Variants in NDOR1 observed in about 807,000 individuals in gnomAD.
NDOR1 encodes the protein NADPH-dependent diflavin oxidoreductase 1.
A neutral mutation model predicts 67.2 loss-of-function variants in NDOR1; 61 were observed. The observed-to-expected ratio is 0.91, with a 90% confidence interval of 0.74 to 1.12. NDOR1 has a LOEUF of 1.12. Ranked by LOEUF, NDOR1 falls within the 50% of genes most tolerant of loss-of-function variation. NDOR1 has a pLI of 0.00. For synonymous variants in NDOR1, 378 were observed against 343.7 expected (o/e 1.10, Z -1.10); for missense variants, 878 against 802.8 (o/e 1.09, Z -1.13).
At chr9:137,206,371 G>A (rs1315402107) in intron 2 of NDOR1, 62 bp downstream of exon 2, 11 of 1,539,312 alleles carry the variant, frequency 7.1e-6, no homozygotes, top group Non-Finnish European at 9.9e-6. Flanking sequence ...CGTTTTCATT[G>A]CCTGGCGTCT....
chr9:137,206,372 C>T (rs552232177), intron 2 of NDOR1, 63 bp downstream of exon 2: 16 of 1,533,786 alleles, frequency 1.0e-5, no homozygotes, highest in Non-Finnish European at 1.4e-5. Context: ...GTTTTCATTG[C>T]CTGGCGTCTA....
chr9:137,215,097 G>C lies in NDOR1; in HGVS notation c.1068G>C (p.Val356=), dbSNP rs748099024. ...ACCCTGAGACTCTCTTTGCCTAGGT[G>C]CTCTGTGACTTCCCGCACACAGCTG... ...CNRPRRTILE[V]LCDFPHTAAA... is the part of the protein sequence containing the mutation. Residue 356 remains valine (V), a splice_region_variant and synonymous_variant, in exon 9 of 14, where the codon GTG becomes GTC. Coordinates refer to ENST00000684003, the MANE Select transcript of NDOR1 (RefSeq NM_014434.4). The C allele has an allele frequency of 6.2e-7, 1 of 1,613,720 alleles. No homozygotes were observed. Among genetic ancestry groups the C allele is most frequent in the South Asian group, 1.1e-5 (1 of 91,046 alleles).
Position 137,214,875 on chromosome 9 carries a change from G to A in NDOR1, c.922G>A (p.Val308Met), listed in dbSNP as rs142741538. The A allele has an allele frequency of 2.9e-5, 47 of 1,611,204 alleles. No homozygotes were observed. Among genetic ancestry groups the A allele is most frequent in the Admixed American group, 3.3e-5 (2 of 60,000 alleles). ...LVSHYLDIASVPRRSFFELLA... is the reference protein window; with the variant it reads ...LVSHYLDIASMPRRSFFELLA... ...GTCCCACTACCTGGACATCGCCAGC[G>A]TGCCTCGCCGCTCCTTCTTCGAACT... is the stretch of plus-strand genomic sequence containing the variant. Residue 308 changes from valine to methionine, a missense_variant, in exon 8 of 14, where the codon GTG becomes ATG. Physicochemically the swap from Val to Met is conservative, Grantham distance 21 (BLOSUM62 1). Coordinates refer to ENST00000684003, the MANE Select transcript of NDOR1 (RefSeq NM_014434.4).
rs1835656659 is a variant in NDOR1 at position 137,217,226 on chromosome 9, C to T, written c.*810C>T. ...GTTGGGCTGCCTGTGCCCGAGTGGCCTCTGCAGCTCTTATGTCTGCCTCTA... is the reference window on the plus strand; with the variant it reads ...GTTGGGCTGCCTGTGCCCGAGTGGCTTCTGCAGCTCTTATGTCTGCCTCTA... On this transcript the variant is annotated 3_prime_UTR_variant, in exon 14 of 14. Coordinates refer to ENST00000684003, the MANE Select transcript of NDOR1 (RefSeq NM_014434.4). Among the ~76,000 whole-genome samples the T allele has an allele frequency of 6.6e-6, 1 of 152,188 alleles. No homozygotes were observed. Among genetic ancestry groups the T allele is most frequent in the African/African-American group, 2.4e-5 (1 of 41,444 alleles).
chr9:137,214,302 C>CA lies in NDOR1; in HGVS notation c.612dup (p.Glu205ArgfsTer28). On this transcript the variant is annotated frameshift_variant, in exon 6 of 14. Transcript: ENST00000684003. LOFTEE classifies it high-confidence loss of function. ...CACCCCGGCTCTCAGGAGCCCCCGT[C>CA]AGAGTCGAAGCCCTTCCTAGCACCC... The CA allele has an allele frequency of 6.2e-7, 1 of 1,614,084 alleles. No individual in the cohort carries two copies. The highest frequency in any genetic ancestry group is 8.5e-7 in the Non-Finnish European group (1 of 1,180,036).
intron 2 of NDOR1, among the ~76,000 whole-genome samples, chr9:137,209,205 G>T (rs1268760931): frequency 1.3e-5 from 2 of 152,214 alleles, no homozygotes; most frequent in South Asian, 2.1e-4. Context: ...TTAATTGCTG[G>T]CAGGGGAGAG....
At position 137,218,357 on chromosome 9, in the gene NDOR1, C is replaced by T; in HGVS notation, c.*1941C>T. 2 of 398,372 alleles carry T rather than the reference C, an allele frequency of 5.0e-6. No homozygotes were observed. The highest frequency in any genetic ancestry group is 4.4e-6 in the Non-Finnish European group (1 of 225,872). The allele number at this position is 398,372 out of a possible 1,614,324, so 24.7% of individuals were successfully genotyped here. Reference sequence around the variant, plus strand: ...CCGCAACCCTGGGCCCTGGGGCTCCCTGGAGCACCGCTACCAGCTGCGCTT... The same window carrying T: ...CCGCAACCCTGGGCCCTGGGGCTCCTTGGAGCACCGCTACCAGCTGCGCTT... On this transcript the variant is annotated 3_prime_UTR_variant, in exon 14 of 14. Transcript: ENST00000684003.
rs774334714 is a variant in NDOR1 at position 137,215,125 on chromosome 9, G to A, written c.1096G>A (p.Ala366Thr). ...VLCDFPHTAA[A>T]IPPDYLLDLI... ...CTGTGACTTCCCGCACACAGCTGCC[G>A]CCATCCCTCCCGACTACCTGTTGGA... The change falls in exon 9 of 14, where the codon GCC becomes ACC. Residue 366 changes from alanine (A) to threonine (T), a missense_variant. Physicochemically the swap from Ala to Thr is moderately conservative, Grantham distance 58. Transcript: ENST00000684003. 17 of 1,613,540 alleles carry A rather than the reference G, an allele frequency of 1.1e-5. No individual in the cohort carries two copies. The highest frequency in any genetic ancestry group is 1.6e-4 in the Middle Eastern group (1 of 6,084).
chr9:137,214,983 G>C lies in NDOR1; in HGVS notation c.1030G>C (p.Glu344Gln). ...SSAQGQEELF[E>Q]YCNRPRRTIL... ...TGCCCAAGGCCAGGAGGAGCTCTTT[G>C]AATACTGCAACCGGCCCCGCAGGAC... Residue 344 changes from glutamate (E) to glutamine (Q), a missense_variant, in exon 8 of 14, where the codon GAA becomes CAA. By Grantham distance (29) the Glu-to-Gln change is conservative (BLOSUM62 2). Transcript: ENST00000684003. 1 of 1,613,456 alleles carries C rather than the reference G, an allele frequency of 6.2e-7. No homozygotes were observed. Among genetic ancestry groups the C allele is most frequent in the South Asian group, 1.1e-5 (1 of 91,080 alleles).
At chr9:137,207,768 A>G (rs141190946) in intron 2 of NDOR1, among the ~76,000 whole-genome samples, 29 of 152,356 alleles carry the variant, frequency 1.9e-4, no homozygotes, top group Non-Finnish European at 3.4e-4. Context: ...CAGGAAGAGC[A>G]GCTTCAGTGG....
At chr9:137,210,991 A>G (rs889641767) in intron 2 of NDOR1, among the ~76,000 whole-genome samples, 28 of 151,962 alleles carry the variant, frequency 1.8e-4, no homozygotes, top group African/African-American at 6.3e-4. Flanking sequence ...AAATACAAAA[A>G]TTAGCCGGGC....
chr9:137,217,281 T>C lies in NDOR1; in HGVS notation c.*865T>C, dbSNP rs1420195111. ...GATGTGCGCCCTGACTGCCTCGTTC[T>C]TAAGGGCATAGTGGGTCGGCTAAGA... On this transcript the variant is annotated 3_prime_UTR_variant, in exon 14 of 14. Transcript: ENST00000684003. 6.6e-6 allele frequency among the ~76,000 whole-genome samples: 1 copy of C among 152,174 alleles called. No homozygotes were observed. Among genetic ancestry groups the C allele is most frequent in the Admixed American group, 6.5e-5 (1 of 15,278 alleles).
At position 137,218,901 on chromosome 9, in the gene NDOR1, G is replaced by A; in HGVS notation, c.*2485G>A. The A allele has an allele frequency of 2.8e-6, 1 of 352,626 alleles. No individual in the cohort carries two copies. The highest frequency in any genetic ancestry group is 5.1e-6 in the Non-Finnish European group (1 of 196,796). 21.8% of individuals were successfully genotyped at this position (352,626 alleles called of 1,614,324 possible). The stretch of plus-strand genomic sequence containing the variant: ...GCCCAGCAGGAAAGTCTGTGAGCAG[G>A]ACCCCATTCACCCTGCGGCAGACGG... On this transcript the variant is annotated 3_prime_UTR_variant, in exon 14 of 14. Transcript: ENST00000684003.
Position 137,214,315 on chromosome 9 carries a change from C to T in NDOR1, c.624C>T (p.Pro208=), listed in dbSNP as rs1249191034. The T allele has an allele frequency of 6.2e-7, 1 of 1,614,014 alleles. No homozygotes were observed. The highest frequency in any genetic ancestry group is 1.3e-5 in the African/African-American group (1 of 74,922). ...AGGAGCCCCCGTCAGAGTCGAAGCCCTTCCTAGCACCCATGATCTCCAACC... is the reference window on the plus strand; with the variant it reads ...AGGAGCCCCCGTCAGAGTCGAAGCCTTTCCTAGCACCCATGATCTCCAACC... The part of the protein sequence containing the change: ...GSQEPPSESK[P]FLAPMISNQR... The change falls in exon 6 of 14, where the codon CCC becomes CCT. Residue 208 remains proline, a synonymous_variant. Transcript: ENST00000684003.
At chr9:137,214,513 GGGCCCC>G (rs1835433449) in intron 6 of NDOR1, 51 bp from the exon 7 acceptor site, 1 of 1,609,218 alleles carries the variant, frequency 6.2e-7, no homozygotes, top group Non-Finnish European at 8.5e-7. Context: ...CTTCTATCCG[GGGCCCC>G]GACATCCTCC....
At chr9:137,206,919 G>T (rs1271818926) in intron 2 of NDOR1, among the ~76,000 whole-genome samples, 1 of 152,144 alleles carries the variant, frequency 6.6e-6, no homozygotes, top group Non-Finnish European at 1.5e-5. Flanking sequence ...GTCAGGCACC[G>T]AGGAAGAAGG....
chr9:137,214,232 C>T lies in NDOR1; in HGVS notation c.541C>T (p.Leu181Phe). The T allele has an allele frequency of 6.2e-7, 1 of 1,612,838 alleles. No homozygotes were observed. Among genetic ancestry groups the T allele is most frequent in the Non-Finnish European group, 8.5e-7 (1 of 1,179,948 alleles). Residue 181 changes from leucine to phenylalanine, a missense_variant, in exon 6 of 14, where the codon CTC becomes TTC. Coordinates refer to ENST00000684003, the MANE Select transcript of NDOR1 (RefSeq NM_014434.4). ...PLPSKFTLLF[L>F]QEAPSTGSEG... ...GCCCTCCAAGTTCACCCTGCTGTTC[C>T]TCCAAGAGGCACCCAGCACGGGCTC...
intron 10 of NDOR1, 57 bp from the exon 11 acceptor site, chr9:137,215,602 C>T (rs561650137): frequency 6.2e-7 from 1 of 1,603,772 alleles, no homozygotes; most frequent in Non-Finnish European, 8.5e-7. Context: ...GGCTAGGGCC[C>T]CAGCAGACTC....
chr9:137,208,024 G>A (rs1835055439), intron 2 of NDOR1, among the ~76,000 whole-genome samples: 2 of 151,632 alleles, frequency 1.3e-5, no homozygotes, highest in Admixed American at 1.3e-4. Context: ...GTGCGTGCCT[G>A]TAATCCCAGC....
Sources: gnomAD v4.1 joint callset for allele counts (sites outside exome capture counted in the v4.1 genomes callset) on GRCh38, gnomAD v4.1.1 for gene constraint, MANE v1.5 for transcripts, NCBI Gene and HGNC (gene_info 2026-07-23, HGNC 2026-07-21) for gene names.